Variants in CEP128 observed in about 807,000 individuals in gnomAD.
CEP128 encodes the protein centrosomal protein 128kDa.
In CEP128, 132 loss-of-function variants were observed where a neutral mutation model predicts 156.7. The observed-to-expected ratio is 0.84, with a 90% confidence interval of 0.73 to 0.97. The LOEUF (loss-of-function observed/expected upper bound fraction) is 0.97. Ranked by LOEUF, CEP128 falls within the 50% of genes least tolerant of loss-of-function variation. The pLI, the probability that CEP128 is intolerant of heterozygous loss-of-function variation, is 0.00. For synonymous variants in CEP128, 469 were observed against 448.9 expected, an observed-to-expected ratio of 1.04 and a Z score of -0.57; for missense variants, 1,252 against 1,281.9, an observed-to-expected ratio of 0.98 and a Z score of 0.36.
At chr14:80,876,203 C>A (rs1224227992) in intron 8 of CEP128, among the ~76,000 whole-genome samples, 1 of 151,840 alleles carries the variant, frequency 6.6e-6, no homozygotes, top group Non-Finnish European at 1.5e-5. Flanking sequence ...CACACACATG[C>A]ACACACAACT....
At chr14:80,722,230 T>C in intron 19 of CEP128, among the ~76,000 whole-genome samples, 1 of 152,130 alleles carries the variant, frequency 6.6e-6, no homozygotes, top group African/African-American at 2.4e-5. Flanking sequence ...CAGTTCAAAT[T>C]ATTCATAGTG....
chr14:80,508,610 T>C (rs1888097318), intron 23 of CEP128, among the ~76,000 whole-genome samples: 1 of 152,182 alleles, frequency 6.6e-6, no homozygotes, highest in Non-Finnish European at 1.5e-5. Flanking sequence ...ACAAAAACTT[T>C]TGTCCATATT....
chr14:80,838,281 A>T lies in CEP128; in HGVS notation c.850-3T>A. ...GATAGCTCCAATTCCTGTTCAAGCT[A>T]GAGTTTCAACAAAGGATAAAGAAAA... On this transcript the variant is annotated splice_polypyrimidine_tract_variant and splice_region_variant and intron_variant, in intron 10 of 24. Transcript: ENST00000555265. The T allele has an allele frequency of 6.2e-7, 1 of 1,610,048 alleles. No individual in the cohort carries two copies.
Position 80,571,265 on chromosome 14 carries a change from G to A in CEP128, c.2856+9109C>T, listed in dbSNP as rs140211758. Among the ~76,000 whole-genome samples, 15 of 152,234 alleles carry A rather than the reference G, an allele frequency of 9.9e-5. No individual in the cohort carries two copies. The East Asian group carries it at 1.4e-3, about 14-fold the overall frequency. On this transcript the variant is annotated intron_variant, in intron 20 of 24. Coordinates refer to ENST00000555265, the MANE Select transcript of CEP128 (RefSeq NM_152446.5). ...CTGTGCTTCAATCCCTGTTTCAGTCGTGACCAATGTATTGGTTCTTTTCTC... is the reference window on the plus strand; with the variant it reads ...CTGTGCTTCAATCCCTGTTTCAGTCATGACCAATGTATTGGTTCTTTTCTC...
chr14:80,484,715 C>T (rs145869298), intron 14 of CEP128, among the ~76,000 whole-genome samples: 113 of 152,254 alleles, frequency 7.4e-4, no homozygotes, highest in African/African-American at 2.5e-3. Flanking sequence ...GGTTACAGAC[C>T]ACAGGGAGAT....
chr14:80,556,950 A>G (rs768200839), intron 21 of CEP128, among the ~76,000 whole-genome samples: 3 of 152,198 alleles, frequency 2.0e-5, no homozygotes, highest in Non-Finnish European at 4.4e-5. Context: ...ATATGAAATC[A>G]AAGGACTTCA....
chr14:80,816,434 A>C (rs1884862366), intron 13 of CEP128, among the ~76,000 whole-genome samples: 1 of 152,160 alleles, frequency 6.6e-6, no homozygotes. Context: ...CAGGCCAAGA[A>C]TGGGAGACCC....
chr14:80,636,747 CA>C (rs1287677480), intron 19 of CEP128, among the ~76,000 whole-genome samples: 1 of 152,130 alleles, frequency 6.6e-6, no homozygotes, highest in African/African-American at 2.4e-5. Flanking sequence ...TCCCCATTTC[CA>C]TTTTTCCCCC....
chr14:80,546,238 C>T lies in CEP128; in HGVS notation c.2880+13041G>A, dbSNP rs530527013. ...TTTCCCATCCATTGTCTCATTTGAC[C>T]TTCTGAGCAAAACTGTGACACATGC... is the stretch of plus-strand genomic sequence containing the variant. On this transcript the variant is annotated intron_variant, in intron 21 of 24. Coordinates refer to ENST00000555265, the MANE Select transcript of CEP128 (RefSeq NM_152446.5). Among the ~76,000 whole-genome samples, 3 of 152,232 alleles carry T rather than the reference C, an allele frequency of 2.0e-5. No homozygotes were observed. In the South Asian group the frequency reaches 6.2e-4, roughly 32 times the overall value.
intron 19 of CEP128, among the ~76,000 whole-genome samples, chr14:80,597,966 AAAAAC>A (rs1566802538): frequency 1.4e-5 from 2 of 144,856 alleles, no homozygotes; most frequent in South Asian, 2.1e-4. Flanking sequence ...AAAAAAAAAA[AAAAAC>A]AAAACCCTAT....
At chr14:80,581,182 T>C (rs1376677290) in intron 19 of CEP128, among the ~76,000 whole-genome samples, 1 of 152,206 alleles carries the variant, frequency 6.6e-6, no homozygotes, top group Middle Eastern at 3.2e-3. Flanking sequence ...CCCTGTGCTA[T>C]GATCTTATTA....
At chr14:80,637,659 C>G (rs908029210) in intron 19 of CEP128, among the ~76,000 whole-genome samples, 2 of 152,088 alleles carry the variant, frequency 1.3e-5, no homozygotes, top group Non-Finnish European at 2.9e-5. Context: ...AATGGTGCCC[C>G]TAAAAAGAGA....
chr14:80,903,167 T>C (rs2888032), intron 6 of CEP128, among the ~76,000 whole-genome samples: 84,970 of 151,896 alleles, frequency 0.56, 25,750 homozygotes, highest in African/African-American at 0.8. Context: ...GATGCATCAA[T>C]CTACGAACAG....
intron 19 of CEP128, among the ~76,000 whole-genome samples, chr14:80,591,598 G>T (rs1005926710): frequency 6.6e-6 from 1 of 152,104 alleles, no homozygotes; most frequent in African/African-American, 2.4e-5. Flanking sequence ...ACAGATCAAT[G>T]AGACAGAAAA....
In CEP128 at chr14:80,729,058, G is replaced by GGTGTGTGTGTGTGTGTGTGT. The variant is rs559470308; in HGVS notation, c.2806+13997_2806+14016dup. On this transcript the variant is annotated intron_variant, in intron 19 of 24. Transcript: ENST00000555265. ...CCTAGTCCCAGGCTGGGCTGGTGGG[G>GGTGTGTGTGTGTGTGTGTGT]GTGTGTGTGTGTGTGTGTGTGTGTG... Among the ~76,000 whole-genome samples, 105 of 105,024 alleles carry GGTGTGTGTGTGTGTGTGTGT rather than the reference G, an allele frequency of 1.0e-3. 3 individuals carry two copies. Among genetic ancestry groups the GGTGTGTGTGTGTGTGTGTGT allele is most frequent in the African/African-American group, 1.5e-3 (29 of 19,970 alleles). The allele number at this position is 105,024 out of a possible 152,430, so 68.9% of individuals were successfully genotyped here. A position where few individuals can be genotyped will look rare whatever the true frequency, so the allele number is the denominator to read the frequency against.
At chr14:80,698,739 T>C (rs1310945627) in intron 19 of CEP128, among the ~76,000 whole-genome samples, 2 of 152,134 alleles carry the variant, frequency 1.3e-5, no homozygotes, top group Non-Finnish European at 2.9e-5. Flanking sequence ...TTAATAGAGA[T>C]AAATTTAGAC....
chr14:80,705,755 G>C (rs1057155937), intron 19 of CEP128, among the ~76,000 whole-genome samples: 8 of 152,122 alleles, frequency 5.3e-5, no homozygotes, highest in African/African-American at 1.9e-4. Flanking sequence ...AACTTATAGA[G>C]AGCCATATGT....
At chr14:80,524,819 G>A (rs1888905313) in intron 23 of CEP128, among the ~76,000 whole-genome samples, 2 of 152,144 alleles carry the variant, frequency 1.3e-5, no homozygotes, top group Non-Finnish European at 2.9e-5. Context: ...ATCATAAAAT[G>A]TGTTCTGCAG....
intron 19 of CEP128, among the ~76,000 whole-genome samples, chr14:80,626,504 CA>C (rs963176740): frequency 5.0e-5 from 7 of 140,458 alleles, no homozygotes; most frequent in African/African-American, 1.7e-4. Context: ...AAGAGTGAGA[CA>C]GGGGAGACTT....
Sources: allele counts gnomAD v4.1 joint callset (sites outside exome capture counted in the v4.1 genomes callset), GRCh38; gene constraint gnomAD v4.1.1; transcripts MANE v1.5; gene names NCBI Gene and HGNC (gene_info 2026-07-23, HGNC 2026-07-21).